ARRB1: variants seen among roughly 807,000 people sequenced by gnomAD.
The protein encoded by ARRB1 is beta-arrestin-1.
A neutral mutation model predicts 56.8 loss-of-function variants in ARRB1; 21 were observed. That is an observed-to-expected ratio of 0.37 (90% confidence interval 0.26 to 0.53). The LOEUF (loss-of-function observed/expected upper bound fraction) is 0.53. ARRB1 is among the 20% of genes least tolerant of loss of function. The probability of loss-of-function intolerance (pLI) is 0.88; values close to 1 mark genes in which losing one functional copy is unlikely to be tolerated. For synonymous variants in ARRB1, 210 were observed against 218.6 expected (o/e 0.96, Z 0.35); for missense variants, 424 against 553.7 (o/e 0.77, Z 2.35).
chr11:75,272,831 C>T, intron 12 of ARRB1, 64 bp downstream of exon 12: 1 of 1,537,026 alleles, frequency 6.5e-7, no homozygotes, highest in Non-Finnish European at 9.0e-7. Context: ...GGGGCAGGGG[C>T]CTGTGGGCAC....
chr11:75,344,738 T>C (rs1947740259), intron 1 of ARRB1, among the ~76,000 whole-genome samples: 1 of 152,170 alleles, frequency 6.6e-6, no homozygotes, highest in Non-Finnish European at 1.5e-5. Flanking sequence ...AGGGCTCATG[T>C]GGGAGACAAG....
chr11:75,306,621 C>T lies in ARRB1; in HGVS notation c.21-16582G>A, dbSNP rs190430655. 8,955 of 1,289,174 alleles carry T rather than the reference C, an allele frequency of 6.9e-3. 315 individuals carry two copies. The East Asian group carries it at 0.098, about 14-fold the overall frequency. The allele number at this position is 1,289,174 out of a possible 1,614,324, so 79.9% of individuals were successfully genotyped here. On this transcript the variant is annotated intron_variant, in intron 1 of 15. Transcript: ENST00000420843. Reference sequence around the variant, plus strand: ...GGCCAGCCCAGAAGCAGCGCCAAAGCAGTGGACTGTGAGGTGGAGGGAGCC... The same window carrying T: ...GGCCAGCCCAGAAGCAGCGCCAAAGTAGTGGACTGTGAGGTGGAGGGAGCC...
chr11:75,333,996 A>G (rs1187881414), intron 1 of ARRB1, among the ~76,000 whole-genome samples: 1 of 152,160 alleles, frequency 6.6e-6, no homozygotes, highest in African/African-American at 2.4e-5. Context: ...CAGGAGCAGG[A>G]AAGGCCTGTC....
chr11:75,283,631 G>A (rs1284236377), intron 4 of ARRB1, 148 bp from the exon 5 acceptor site: 4 of 796,668 alleles, frequency 5.0e-6, no homozygotes, highest in Non-Finnish European at 7.6e-6. Flanking sequence ...TCTCCACCAG[G>A]AGGGCTGGTA....
intron 1 of ARRB1, among the ~76,000 whole-genome samples, chr11:75,296,942 G>A (rs539817370): frequency 6.6e-6 from 1 of 152,132 alleles, no homozygotes; most frequent in Non-Finnish European, 1.5e-5. Flanking sequence ...TTACAGGTGT[G>A]AGCCACTGTG....
At chr11:75,301,343 TG>T (rs1331360474) in intron 1 of ARRB1, among the ~76,000 whole-genome samples, 1 of 152,058 alleles carries the variant, frequency 6.6e-6, no homozygotes, top group Non-Finnish European at 1.5e-5. Context: ...GGGAAGAGGC[TG>T]GGCTGGAGAA....
intron 2 of ARRB1, among the ~76,000 whole-genome samples, chr11:75,287,873 T>C (rs188528506): frequency 6.6e-4 from 100 of 152,338 alleles, no homozygotes; most frequent in Admixed American, 6.4e-3. Context: ...TAAATAATTT[T>C]TTTTTCGAGA....
chr11:75,288,616 CTTTTT>C (rs10580123), intron 2 of ARRB1, among the ~76,000 whole-genome samples: 4 of 133,558 alleles, frequency 3.0e-5, no homozygotes, highest in Non-Finnish European at 4.9e-5. Flanking sequence ...GCAAATCTTT[CTTTTT>C]TTTTTTTTTT....
In ARRB1 at chr11:75,305,018, C is replaced by CTTTTTT. The variant is rs35323331; in HGVS notation, c.21-14985_21-14980dup. 1.2e-3 allele frequency among the ~76,000 whole-genome samples: 108 copies of CTTTTTT among 86,754 alleles called. 1 individual carries two copies. Among genetic ancestry groups the CTTTTTT allele is most frequent in the Non-Finnish European group, 1.9e-3 (85 of 44,718 alleles). 56.9% of individuals were successfully genotyped at this position (86,754 alleles called of 152,430 possible). A position where few individuals can be genotyped will look rare whatever the true frequency, so the allele number is the denominator to read the frequency against. On this transcript the variant is annotated intron_variant, in intron 1 of 15. Coordinates refer to ENST00000420843, the MANE Select transcript of ARRB1 (RefSeq NM_004041.5). ...TTCTTTTCTTTTCTTTTCTTTCTTT[C>CTTTTTT]TTTTTTTTTTTTTTTTTTTTTTGAG...
chr11:75,272,022 G>A (rs941500055), intron 12 of ARRB1, among the ~76,000 whole-genome samples: 1 of 152,200 alleles, frequency 6.6e-6, no homozygotes, highest in Non-Finnish European at 1.5e-5. Context: ...TCCCAAGGGA[G>A]GCCGGACTAT....
chr11:75,351,416 CGCCCACGGCCCT>C (rs1947849265), intron 1 of ARRB1, among the ~76,000 whole-genome samples, 160 bp downstream of exon 1: 1 of 152,242 alleles, frequency 6.6e-6, no homozygotes, highest in Non-Finnish European at 1.5e-5. Flanking sequence ...TGGGTCCCCC[CGCCCACGGCCCT>C]GCCGGGGAGA....
chr11:75,280,475 G>A (rs573195027), intron 7 of ARRB1, among the ~76,000 whole-genome samples: 5 of 152,188 alleles, frequency 3.3e-5, no homozygotes, highest in Non-Finnish European at 7.3e-5. Flanking sequence ...AGCACAGCCC[G>A]ACCCAGGAGG....
At chr11:75,349,887 A>G (rs1178176907) in intron 1 of ARRB1, among the ~76,000 whole-genome samples, 1 of 152,224 alleles carries the variant, frequency 6.6e-6, no homozygotes, top group African/African-American at 2.4e-5. Flanking sequence ...TCCCTGGCCC[A>G]TGAGGGGCCT....
intron 1 of ARRB1, among the ~76,000 whole-genome samples, chr11:75,295,670 T>C (rs938961921): frequency 6.6e-6 from 1 of 152,234 alleles, no homozygotes; most frequent in African/African-American, 2.4e-5. Flanking sequence ...AGGATTATGA[T>C]GTAGACATCT....
intron 15 of ARRB1, 56 bp downstream of exon 15, chr11:75,267,596 C>A: frequency 6.8e-7 from 1 of 1,465,708 alleles, no homozygotes; most frequent in Non-Finnish European, 9.5e-7. Flanking sequence ...ATGACCCCCT[C>A]CACCCCGCCC....
chr11:75,313,015 A>G (rs1035859179), intron 1 of ARRB1, among the ~76,000 whole-genome samples: 8 of 152,206 alleles, frequency 5.3e-5, no homozygotes, highest in Non-Finnish European at 1.0e-4. Flanking sequence ...AGACATTCTT[A>G]TTCCCATTCT....
chr11:75,282,631 G>C (rs760191253), intron 5 of ARRB1, among the ~76,000 whole-genome samples: 28 of 152,218 alleles, frequency 1.8e-4, no homozygotes, highest in Admixed American at 3.3e-4. Flanking sequence ...ACTGAGACCT[G>C]TTTTGGGACT....
intron 1 of ARRB1, among the ~76,000 whole-genome samples, chr11:75,330,308 C>G (rs571094805): frequency 5.3e-4 from 81 of 152,126 alleles, no homozygotes; most frequent in Non-Finnish European, 9.3e-4. Context: ...CACAGCATCT[C>G]AAGGGCTAAG....
chr11:75,267,668 T>C lies in ARRB1; in HGVS notation c.1129A>G (p.Ile377Val), dbSNP rs759457332. The C allele has an allele frequency of 1.9e-6, 3 of 1,546,396 alleles. No individual in the cohort carries two copies. The highest frequency in any genetic ancestry group is 2.8e-5 in the African/African-American group (2 of 72,500). ...ENETPVDTNL[I>V]ELDTNDDDIV... The stretch of plus-strand genomic sequence containing the variant: ...TCAGCTTACTTTGTGTCAAGTTCTA[T>C]GAGATTGGTATCTACTGGCGTCTCG... The change falls in exon 15 of 16, where the codon ATA (isoleucine) becomes GTA (valine). Residue 377 changes from isoleucine to valine, a missense_variant. Physicochemically the swap from Ile to Val is conservative, Grantham distance 29 (BLOSUM62 3). This residue lies in a region of ARRB1 where 121 missense variants were observed against 147.3 expected (regional missense o/e 0.82). Transcript: ENST00000420843.
Sources: gnomAD v4.1 joint callset for allele counts (sites outside exome capture counted in the v4.1 genomes callset) on GRCh38, gnomAD v4.1.1 for gene constraint, gnomAD v4.1.1 regional missense constraint, MANE v1.5 for transcripts, NCBI Gene and HGNC (gene_info 2026-07-23, HGNC 2026-07-21) for gene names.